Variants in PCSK5 observed in about 807,000 individuals in gnomAD.
PCSK5 encodes proprotein convertase subtilisin/kexin type 5, also known as prohormone convertase 5.
Under a neutral mutation model 233.2 loss-of-function variants are expected in PCSK5, and 129 were observed. The ratio of observed to expected loss-of-function variants is 0.55; its 90% CI spans 0.48 to 0.64. The LOEUF is 0.64. Among genes scored for constraint, PCSK5 ranks in the 30% least tolerant of loss-of-function variants. The pLI, the probability that PCSK5 is intolerant of heterozygous loss-of-function variation, is 0.00. For missense variants in PCSK5, 2,076 were observed against 2,430.1 expected, an observed-to-expected ratio of 0.85 and a Z score of 3.06; for synonymous variants, 825 against 879.2, an observed-to-expected ratio of 0.94 and a Z score of 1.09.
At chr9:76,149,201 A>G (rs1180050250) in intron 10 of PCSK5, among the ~76,000 whole-genome samples, 1 of 152,236 alleles carries the variant, frequency 6.6e-6, no homozygotes, top group Non-Finnish European at 1.5e-5. Flanking sequence ...TGAGAAGGAT[A>G]TGTGGTAGCT....
chr9:76,180,104 T>TATACACAC (rs373590869), intron 15 of PCSK5, among the ~76,000 whole-genome samples: 14 of 144,940 alleles, frequency 9.7e-5, no homozygotes, highest in African/African-American at 3.7e-4. Context: ...TATATATATA[T>TATACACAC]ACACACACAC....
chr9:76,124,888 A>T (rs1310270984), intron 9 of PCSK5, among the ~76,000 whole-genome samples: 1 of 151,604 alleles, frequency 6.6e-6, no homozygotes, highest in East Asian at 1.9e-4. Context: ...ATACCACTTC[A>T]TACTCCTCAT....
At chr9:76,196,683 CACTT>C (rs1285029575) in intron 20 of PCSK5, among the ~76,000 whole-genome samples, 1 of 152,152 alleles carries the variant, frequency 6.6e-6, no homozygotes, top group East Asian at 1.9e-4. Context: ...TTTTATTGAT[CACTT>C]ACTATGTACT....
At chr9:76,147,706 A>T (rs1321266781) in intron 10 of PCSK5, among the ~76,000 whole-genome samples, 3 of 152,148 alleles carry the variant, frequency 2.0e-5, no homozygotes, top group Admixed American at 2.0e-4. Flanking sequence ...GTGCATCTGG[A>T]AGTGCCATCC....
chr9:75,971,022 C>T (rs557383836), intron 2 of PCSK5, among the ~76,000 whole-genome samples: 3 of 152,096 alleles, frequency 2.0e-5, no homozygotes, highest in Non-Finnish European at 4.4e-5. Flanking sequence ...CCTATCAACC[C>T]ATCACCTAGG....
intron 1 of PCSK5, among the ~76,000 whole-genome samples, chr9:75,896,099 T>C (rs1825789279): frequency 6.6e-6 from 1 of 152,304 alleles, no homozygotes; most frequent in South Asian, 2.1e-4. Flanking sequence ...AGGGCAACTC[T>C]TCATGCTCAA....
intron 8 of PCSK5, among the ~76,000 whole-genome samples, chr9:76,104,481 G>A (rs1343964390): frequency 1.3e-5 from 2 of 152,190 alleles, no homozygotes; most frequent in African/African-American, 4.8e-5. Flanking sequence ...GACATTAATA[G>A]CATTTAACAC....
At position 76,233,477 on chromosome 9, in the gene PCSK5, G is replaced by T. The variant is rs577214351; in HGVS notation, c.2747G>T (p.Arg916Leu). The T allele has an allele frequency of 1.2e-6, 2 of 1,612,596 alleles. No individual in the cohort carries two copies. Among genetic ancestry groups the T allele is most frequent in the Non-Finnish European group, 1.7e-6 (2 of 1,179,780 alleles). The change falls in exon 22 of 38, where the codon CGC (arginine) becomes CTC (leucine). Residue 916 changes from arginine to leucine, a missense_variant. Around this residue, in one of 6 missense-constraint regions of PCSK5, gnomAD observed 1,510 missense variants for 1,538.1 expected, o/e 0.98. Coordinates refer to ENST00000674117, the MANE Select transcript of PCSK5 (RefSeq NM_001372043.1). ...TCCTCTAGGATTTTTGATGATGGCC[G>T]CTGTGTTTCGAACTGCCCCTCATGG... is the stretch of plus-strand genomic sequence containing the variant. Reference protein sequence around the residue: ...CPMTRIFDDGRCVSNCPSWKF... With the variant: ...CPMTRIFDDGLCVSNCPSWKF...
chr9:75,892,643 C>T (rs568361627), intron 1 of PCSK5, among the ~76,000 whole-genome samples: 1 of 152,326 alleles, frequency 6.6e-6, no homozygotes, highest in East Asian at 1.9e-4. Context: ...CCATTGCGTT[C>T]CACGCCCAGG....
chr9:76,267,743 G>A (rs557614600), intron 24 of PCSK5, among the ~76,000 whole-genome samples: 12 of 152,132 alleles, frequency 7.9e-5, no homozygotes, highest in African/African-American at 2.7e-4. Context: ...TTTAGATGAA[G>A]TATGACCACA....
At chr9:76,199,205 C>T (rs1824817186) in intron 20 of PCSK5, among the ~76,000 whole-genome samples, 1 of 152,146 alleles carries the variant, frequency 6.6e-6, no homozygotes, top group Non-Finnish European at 1.5e-5. Context: ...AGCCTACCAC[C>T]CACCTAAGCT....
At chr9:76,097,925 G>A (rs1831602645) in intron 8 of PCSK5, among the ~76,000 whole-genome samples, 1 of 152,166 alleles carries the variant, frequency 6.6e-6, no homozygotes, top group Non-Finnish European at 1.5e-5. Context: ...CTAAGCTGCT[G>A]TACCTGACAC....
chr9:76,037,998 G>A (rs1038446104), intron 5 of PCSK5, among the ~76,000 whole-genome samples: 12 of 152,140 alleles, frequency 7.9e-5, no homozygotes, highest in East Asian at 1.9e-4. Context: ...TGTAATTTGC[G>A]TATGCTAGTA....
intron 27 of PCSK5, among the ~76,000 whole-genome samples, chr9:76,297,982 G>A (rs1828496066): frequency 6.6e-6 from 1 of 152,176 alleles, no homozygotes. Context: ...GAGCCGAGAA[G>A]ATTATTCAAT....
chr9:76,265,371 C>T (rs537667656), intron 24 of PCSK5, among the ~76,000 whole-genome samples: 4 of 151,608 alleles, frequency 2.6e-5, no homozygotes, highest in African/African-American at 7.3e-5. Context: ...AACAAATCTG[C>T]ACATATACCA....
At chr9:75,900,942 G>A (rs905295405) in intron 1 of PCSK5, among the ~76,000 whole-genome samples, 1 of 151,976 alleles carries the variant, frequency 6.6e-6, no homozygotes, top group African/African-American at 2.4e-5. Flanking sequence ...GTGTGGTACA[G>A]GAGAAACACA....
intron 20 of PCSK5, among the ~76,000 whole-genome samples, chr9:76,203,656 G>A (rs533515781): frequency 5.9e-5 from 9 of 152,204 alleles, no homozygotes; most frequent in Middle Eastern, 3.4e-3. Flanking sequence ...CAGCTGAGCC[G>A]CACCGTACCC....
Position 76,239,001 on chromosome 9 carries a change from G to C in PCSK5, c.2909G>C (p.Gly970Ala). 1 of 1,612,334 alleles carries C rather than the reference G, an allele frequency of 6.2e-7. No homozygotes were observed. The change falls in exon 23 of 38, where the codon GGA becomes GCA. Residue 970 changes from glycine (G) to alanine (A), a missense_variant. Physicochemically the swap from Gly to Ala is moderately conservative, Grantham distance 60. This residue lies in a region of PCSK5 where 1,510 missense variants were observed against 1,538.1 expected (regional missense o/e 0.98). Coordinates refer to ENST00000674117, the MANE Select transcript of PCSK5 (RefSeq NM_001372043.1). Reference sequence around the variant, plus strand: ...CACTTCCTGTACCAGGGAGAGTGTGGAGATAGCTGCCCAGAGGGCCACTAT... The same window carrying C: ...CACTTCCTGTACCAGGGAGAGTGTGCAGATAGCTGCCCAGAGGGCCACTAT... ...REHFLYQGEC[G>A]DSCPEGHYAT...
chr9:76,320,183 GGGAGAACACCTGCTAATAAGCACCGTA>G (rs1460432556), intron 30 of PCSK5, among the ~76,000 whole-genome samples: 2 of 151,922 alleles, frequency 1.3e-5, no homozygotes, highest in Non-Finnish European at 2.9e-5. Flanking sequence ...TCCACACACG[GGGAGAACACCTGCTAATAAGCACCGTA>G]GGCTGGACCC....
Sources: gnomAD v4.1 joint callset for allele counts (sites outside exome capture counted in the v4.1 genomes callset) on GRCh38, gnomAD v4.1.1 for gene constraint, gnomAD v4.1.1 regional missense constraint, MANE v1.5 for transcripts, NCBI Gene and HGNC (gene_info 2026-07-23, HGNC 2026-07-21) for gene names.